PRKG1: variants seen among roughly 807,000 people sequenced by gnomAD.
PRKG1 encodes protein kinase cGMP-dependent 1.
A neutral mutation model predicts 88.1 loss-of-function variants in PRKG1; 35 were observed. That is an observed-to-expected ratio of 0.40 (90% confidence interval 0.30 to 0.53). PRKG1 has a LOEUF of 0.53. Ranked by LOEUF, PRKG1 falls within the 20% of genes least tolerant of loss-of-function variation. The pLI, the probability that PRKG1 is intolerant of heterozygous loss-of-function variation, is 0.59. For synonymous variants in PRKG1, 303 were observed against 292.5 expected (o/e 1.04, Z -0.37); for missense variants, 540 against 839.8 (o/e 0.64, Z 4.41).
chr10:51,319,164 C>T (rs1040680309), intron 2 of PRKG1, among the ~76,000 whole-genome samples: 1 of 152,154 alleles, frequency 6.6e-6, no homozygotes, highest in African/African-American at 2.4e-5. Flanking sequence ...CACTTACTCC[C>T]TTGAAGGAGA....
intron 2 of PRKG1, among the ~76,000 whole-genome samples, chr10:51,210,113 G>A (rs1369288881): frequency 6.6e-6 from 1 of 152,038 alleles, no homozygotes; most frequent in Non-Finnish European, 1.5e-5. Context: ...ATAACAAACT[G>A]TCTCTCAGAC....
At chr10:52,054,613 T>C in intron 6 of PRKG1, 52 bp downstream of exon 6, 2 of 1,484,360 alleles carry the variant, frequency 1.3e-6, no homozygotes, top group Non-Finnish European at 1.9e-6. Context: ...CTGGGGTTGG[T>C]TAGTAACTCC....
intron 2 of PRKG1, among the ~76,000 whole-genome samples, chr10:51,209,150 T>C (rs1838145826): frequency 6.6e-6 from 1 of 152,172 alleles, no homozygotes; most frequent in Non-Finnish European, 1.5e-5. Context: ...AGAAAGATAT[T>C]GTTTTGACTA....
Position 51,875,952 on chromosome 10 carries a change from C to CT in PRKG1, c.699-31543dup, listed in dbSNP as rs1343672557. Among the ~76,000 whole-genome samples, 171 of 142,756 alleles carry CT rather than the reference C, an allele frequency of 1.2e-3. 1 individual carries two copies. Among genetic ancestry groups the CT allele is most frequent in the South Asian group, 2.5e-3 (11 of 4,476 alleles). 93.7% of individuals were successfully genotyped at this position (142,756 alleles called of 152,430 possible). The stretch of plus-strand genomic sequence containing the variant: ...CTTTATTCCTTTCTTTTCTTTCTTT[C>CT]TTTTTTTTTTTTCTTTTTCAGAGCA... On this transcript the variant is annotated intron_variant, in intron 4 of 17. Coordinates refer to ENST00000373980, the MANE Select transcript of PRKG1 (RefSeq NM_006258.4).
intron 9 of PRKG1, among the ~76,000 whole-genome samples, chr10:52,166,819 G>GTATATATATATATGTA (rs370403466): frequency 1.1e-4 from 6 of 55,314 alleles, no homozygotes; most frequent in East Asian, 7.0e-4. Flanking sequence ...GTATATATAT[G>GTATATATATATATGTA]TATATATATG....
chr10:51,303,454 A>G (rs1840947627), intron 2 of PRKG1, among the ~76,000 whole-genome samples: 1 of 151,662 alleles, frequency 6.6e-6, no homozygotes, highest in Non-Finnish European at 1.5e-5. Context: ...ACCATGTCTT[A>G]TTTGTGAGAA....
In PRKG1 at chr10:51,024,179, CT is replaced by C. The variant is rs1012880465; in HGVS notation, c.266+32537del. Among the ~76,000 whole-genome samples the C allele has an allele frequency of 2.2e-4, 33 of 152,166 alleles. 1 individual carries two copies. Among genetic ancestry groups the C allele is most frequent in the Non-Finnish European group, 5.9e-5 (4 of 68,030 alleles). ...AAGGCTTCTAAATCTAAATTGGGAT[CT>C]TCCTCAGTATTGGTCAGAATTAAGT... On this transcript the variant is annotated intron_variant, in intron 1 of 17. Coordinates refer to the PRKG1 transcript ENST00000401604.
intron 2 of PRKG1, among the ~76,000 whole-genome samples, chr10:51,390,077 C>T (rs1186818329): frequency 6.6e-6 from 1 of 152,196 alleles, no homozygotes; most frequent in African/African-American, 2.4e-5. Flanking sequence ...TCGAGGCATT[C>T]AGTTGAATAA....
chr10:51,905,699 G>T (rs1842071636), intron 4 of PRKG1, among the ~76,000 whole-genome samples: 1 of 151,932 alleles, frequency 6.6e-6, no homozygotes, highest in African/African-American at 2.4e-5. Context: ...CTGTTTAATG[G>T]GGAGAAATAA....
At chr10:51,450,603 A>G (rs903148106) in intron 2 of PRKG1, among the ~76,000 whole-genome samples, 1 of 152,064 alleles carries the variant, frequency 6.6e-6, no homozygotes, top group African/African-American at 2.4e-5. Context: ...CCATCATTTC[A>G]GTTCATTAGA....
chr10:51,092,255 T>C (rs1282401402), intron 1 of PRKG1, among the ~76,000 whole-genome samples: 1 of 152,178 alleles, frequency 6.6e-6, no homozygotes, highest in Non-Finnish European at 1.5e-5. Context: ...AAAATAACTT[T>C]ACGGGCTTAG....
intron 2 of PRKG1, among the ~76,000 whole-genome samples, chr10:51,462,825 A>G (rs895185672): frequency 2.0e-5 from 3 of 152,220 alleles, no homozygotes; most frequent in African/African-American, 7.2e-5. Flanking sequence ...TAGAATTCAA[A>G]TTAAAATGAT....
intron 3 of PRKG1, among the ~76,000 whole-genome samples, chr10:51,708,206 C>T (rs565537840): frequency 7.6e-4 from 115 of 152,138 alleles, no homozygotes; most frequent in Non-Finnish European, 1.5e-3. Flanking sequence ...ATGGCTGCCT[C>T]CTCAGTGTCC....
chr10:52,264,365 ATGTAGG>A (rs1328721832), intron 10 of PRKG1, among the ~76,000 whole-genome samples: 2 of 151,844 alleles, frequency 1.3e-5, no homozygotes, highest in African/African-American at 4.8e-5. Flanking sequence ...CAGTCTCTCA[ATGTAGG>A]GCTTTCTCTC....
Position 52,200,960 on chromosome 10 carries a change from G to T in PRKG1, c.1076+38997G>T, listed in dbSNP as rs187387526. ...TATAGATTCTAGATATTAGCTCTTT[G>T]TTAGATGTATAGTTTGCAAATATTT... On this transcript the variant is annotated intron_variant, in intron 9 of 17. Transcript: ENST00000373980. Among the ~76,000 whole-genome samples, 740 of 152,198 alleles carry T rather than the reference G, an allele frequency of 4.9e-3. 2 individuals are homozygous for T. The highest frequency in any genetic ancestry group is 0.017 in the Middle Eastern group (5 of 294).
At chr10:51,616,831 G>C (rs1489747214) in intron 3 of PRKG1, among the ~76,000 whole-genome samples, 29 of 152,106 alleles carry the variant, frequency 1.9e-4, no homozygotes, top group Admixed American at 1.8e-3. Context: ...TGGTGGGTGG[G>C]AACATGCACA....
chr10:51,623,432 G>T (rs2132265913), intron 3 of PRKG1, among the ~76,000 whole-genome samples: 1 of 152,230 alleles, frequency 6.6e-6, no homozygotes, highest in Non-Finnish European at 1.5e-5. Context: ...AAACTCCTGG[G>T]CTCAAGCAGT....
chr10:51,179,006 T>G (rs1010465972), intron 2 of PRKG1, among the ~76,000 whole-genome samples: 5 of 152,178 alleles, frequency 3.3e-5, no homozygotes, highest in Admixed American at 2.0e-4. Context: ...GAAATGTAGT[T>G]TTTATTATGT....
chr10:51,891,754 G>A (rs1841727506), intron 4 of PRKG1, among the ~76,000 whole-genome samples: 1 of 152,152 alleles, frequency 6.6e-6, no homozygotes, highest in Admixed American at 6.5e-5. Flanking sequence ...CCTAAAAGCA[G>A]ACATAGATAA....
Sources: allele counts gnomAD v4.1 joint callset (sites outside exome capture counted in the v4.1 genomes callset), GRCh38; gene constraint gnomAD v4.1.1; transcripts MANE v1.5; gene names NCBI Gene and HGNC (gene_info 2026-07-23, HGNC 2026-07-21).